SLC6A9: variants seen among roughly 807,000 people sequenced by gnomAD.
The protein encoded by SLC6A9 is solute carrier family 6 member 9, also known as sodium- and chloride-dependent glycine transporter 1.
SLC6A9 carries 31 observed loss-of-function variants against 70.9 expected under a neutral mutation model. The observed-to-expected ratio is 0.44, with a 90% CI of 0.33 to 0.59. The LOEUF (loss-of-function observed/expected upper bound fraction) is 0.59. Ranked by LOEUF, SLC6A9 falls within the 20% of genes least tolerant of loss-of-function variation. SLC6A9 has a pLI of 0.04. For synonymous variants in SLC6A9, 310 were observed against 341.3 expected (o/e 0.91, Z 1.01); for missense variants, 631 against 845.2 (o/e 0.75, Z 3.14).
intron 2 of SLC6A9, chr1:44,017,378 C>T: frequency 1.0e-6 from 1 of 981,352 alleles, no homozygotes; most frequent in Non-Finnish European, 1.3e-6. Context: ...AACACACACA[C>T]ACACACACAC....
intron 1 of SLC6A9, chr1:44,030,338 G>C (rs1048463069): frequency 6.6e-5 from 10 of 152,332 alleles, no homozygotes; most frequent in Non-Finnish European, 1.5e-4. Context: ...GAAAAGTACC[G>C]GGGCGCCGAG....
intron 1 of SLC6A9, 54 bp downstream of exon 1, chr1:44,031,252 C>G (rs2087113828): frequency 6.5e-6 from 1 of 152,802 alleles, no homozygotes; most frequent in African/African-American, 2.4e-5. Context: ...CTCAGACCGA[C>G]GGCAGGACAG....
chr1:44,022,127 A>G (rs2086894780), intron 2 of SLC6A9, among the ~76,000 whole-genome samples: 2 of 152,214 alleles, frequency 1.3e-5, no homozygotes, highest in Admixed American at 6.5e-5. Flanking sequence ...ATTCCCATCC[A>G]TAGACAGGCT....
chr1:44,019,234 C>T (rs182735307), intron 2 of SLC6A9, among the ~76,000 whole-genome samples: 1 of 152,362 alleles, frequency 6.6e-6, no homozygotes, highest in Non-Finnish European at 1.5e-5. Flanking sequence ...GCCCATCACC[C>T]TGTGGGCACT....
intron 5 of SLC6A9, 22 bp from the exon 6 acceptor site, chr1:44,003,007 A>G (rs2086177421): frequency 6.2e-7 from 1 of 1,613,238 alleles, no homozygotes. Flanking sequence ...AGACTCTGTC[A>G]CTGAGGGCCA....
Position 44,002,769 on chromosome 1 carries a change from C to A in SLC6A9, c.723+84G>T. On this transcript the variant is annotated intron_variant, in intron 6 of 13. Transcript: ENST00000372310. The surrounding 1 kb of genome is among the most constrained non-coding windows in gnomAD (Gnocchi z 5.5). ...CCGGCTCCGGAGTCCCTTCAGCATCCCCTCCCTGCAATACACACATAACCC... is the reference window on the plus strand; with the variant it reads ...CCGGCTCCGGAGTCCCTTCAGCATCACCTCCCTGCAATACACACATAACCC... 1 of 1,595,584 alleles carries A rather than the reference C, an allele frequency of 6.3e-7. No individual in the cohort carries two copies. The highest frequency in any genetic ancestry group is 8.6e-7 in the Non-Finnish European group (1 of 1,165,558).
intron 10 of SLC6A9, 53 bp from the exon 11 acceptor site, chr1:44,001,108 C>G (rs1051289252): frequency 3.6e-5 from 58 of 1,612,378 alleles, no homozygotes; most frequent in Non-Finnish European, 8.5e-7. Context: ...GCTCCCCAAC[C>G]CTTCCCTGCA....
In SLC6A9 at chr1:44,011,773, C is replaced by T. The variant is rs2086580933; in HGVS notation, c.31-891G>A. Reference sequence around the variant, plus strand: ...GGAGAGGCAGATGCGGGGATTTGCCCCAGGGAAGAATGTGGGGCCTGCAGG... The same window carrying T: ...GGAGAGGCAGATGCGGGGATTTGCCTCAGGGAAGAATGTGGGGCCTGCAGG... On this transcript the variant is annotated intron_variant, in intron 2 of 13. Transcript: ENST00000372310. 1.9e-6 allele frequency: 3 copies of T among 1,583,684 alleles called. No individual in the cohort carries two copies. In the East Asian group the frequency reaches 6.7e-5, roughly 35 times the overall value.
In SLC6A9 at chr1:44,013,223, A is replaced by C. The variant is rs2086632231; in HGVS notation, c.31-2341T>G. ...AGAGATCCAGGTTCCCAAGGCTTGA[A>C]GATCAAGGCCTGTCTCCTGTTCCCA... On this transcript the variant is annotated intron_variant, in intron 2 of 13. Transcript: ENST00000372310. This position sits in a 1 kb window ranked among gnomAD's most constrained non-coding sequence, Gnocchi z 5.3. Among the ~76,000 whole-genome samples, 1 of 152,226 alleles carries C rather than the reference A, an allele frequency of 6.6e-6. No individual in the cohort carries two copies. Among genetic ancestry groups the C allele is most frequent in the African/African-American group, 2.4e-5 (1 of 41,458 alleles).
intron 2 of SLC6A9, chr1:44,017,374 CACACA>C: frequency 2.4e-6 from 1 of 416,824 alleles, no homozygotes; most frequent in Admixed American, 8.8e-5. Flanking sequence ...GAACAACACA[CACACA>C]CACACACACA....
At chr1:44,006,586 C>CAAAAAAAAA (rs34759206) in intron 5 of SLC6A9, among the ~76,000 whole-genome samples, 2 of 67,606 alleles carry the variant, frequency 3.0e-5, no homozygotes, top group East Asian at 5.1e-4. Flanking sequence ...GATTCTGTCT[C>CAAAAAAAAA]AAAAAAAAAA....
chr1:44,031,264 CGGAGG>C (rs2087114907), intron 1 of SLC6A9, 37 bp downstream of exon 1: 1 of 152,682 alleles, frequency 6.5e-6, no homozygotes, highest in Non-Finnish European at 1.5e-5. Flanking sequence ...GCAGGACAGA[CGGAGG>C]CGCGGGCCCC....
chr1:44,030,027 A>C (rs912385213), intron 1 of SLC6A9, among the ~76,000 whole-genome samples: 1 of 152,136 alleles, frequency 6.6e-6, no homozygotes, highest in Non-Finnish European at 1.5e-5. Flanking sequence ...TCAGCGAGCA[A>C]GCGTCCCGTC....
chr1:44,010,614 C>T (rs1199880579), intron 3 of SLC6A9, 112 bp downstream of exon 3: 3 of 1,115,268 alleles, frequency 2.7e-6, no homozygotes, highest in Admixed American at 4.5e-5. Context: ...GAGGCCAGGG[C>T]CAGAGGCCAG....
rs763728940 is a variant in SLC6A9, at chr1:44,008,191, C to CA, written c.590+161dup. ...CCTCCATCTTCCATTGCTTTCTGTA[C>CA]ATCAGGCTCTTCTCCTAAACTCTTC... is the stretch of plus-strand genomic sequence containing the variant. On this transcript the variant is annotated intron_variant, in intron 5 of 13. Coordinates refer to ENST00000372310, the MANE Select transcript of SLC6A9 (RefSeq NM_001024845.3). Among the ~76,000 whole-genome samples the CA allele has an allele frequency of 1.7e-4, 26 of 152,302 alleles. No homozygotes were observed. The East Asian group carries it at 2.3e-3, about 14-fold the overall frequency.
intron 2 of SLC6A9, chr1:44,017,173 C>A: frequency 6.3e-7 from 1 of 1,598,830 alleles, no homozygotes; most frequent in East Asian, 2.3e-5. Context: ...TGACGCATCC[C>A]CTGCCTCTCC....
chr1:44,004,034 A>T (rs1361168774), intron 5 of SLC6A9, among the ~76,000 whole-genome samples: 1 of 151,510 alleles, frequency 6.6e-6, no homozygotes, highest in African/African-American at 2.4e-5. Context: ...TTGCTCTGTC[A>T]CCCAGGCTGG....
chr1:44,014,742 G>A (rs1215040408), intron 2 of SLC6A9: 1 of 152,086 alleles, frequency 6.6e-6, no homozygotes, highest in Admixed American at 6.6e-5. Flanking sequence ...CTTGGCAGAG[G>A]CGGGACACCG....
chr1:44,018,122 C>T lies in SLC6A9; in HGVS notation c.30+6126G>A, dbSNP rs939774556. 2.0e-5 allele frequency among the ~76,000 whole-genome samples: 3 copies of T among 152,176 alleles called. No individual in the cohort carries two copies. Among genetic ancestry groups the T allele is most frequent in the Admixed American group, 2.0e-4 (3 of 15,278 alleles). On this transcript the variant is annotated intron_variant, in intron 2 of 13. Transcript: ENST00000372310. The surrounding 1 kb of genome is among the most constrained non-coding windows in gnomAD (Gnocchi z 4.2). ...TCCGGTGCCAGGAATGTGTCAGGCC[C>T]TTTGGAAACTGGTCAGTCAGCAGAA...
Sources: allele counts gnomAD v4.1 joint callset (sites outside exome capture counted in the v4.1 genomes callset), GRCh38; gene constraint gnomAD v4.1.1; non-coding constraint Gnocchi (gnomAD v3.1); transcripts MANE v1.5; gene names NCBI Gene and HGNC (gene_info 2026-07-23, HGNC 2026-07-21).